MAP3K7CL: variants seen among roughly 807,000 people sequenced by gnomAD.
MAP3K7CL encodes the protein MAP3K7 C-terminal-like protein.
A neutral mutation model predicts 18.6 loss-of-function variants in MAP3K7CL; 16 were observed. That is an observed-to-expected ratio of 0.86 (90% CI 0.58 to 1.31). MAP3K7CL has a LOEUF of 1.31. Ranked by LOEUF, MAP3K7CL falls within the 50% of genes most tolerant of loss-of-function variation. The pLI, the probability that MAP3K7CL is intolerant of heterozygous loss-of-function variation, is 0.00. For missense variants in MAP3K7CL, 163 were observed against 174.4 expected (o/e 0.93, Z 0.37); for synonymous variants, 65 against 66.8 (o/e 0.97, Z 0.13).
intron 4 of MAP3K7CL, among the ~76,000 whole-genome samples, chr21:29,165,231 T>C (rs550508322): frequency 2.4e-4 from 36 of 152,330 alleles, no homozygotes; most frequent in South Asian, 1.9e-3. Context: ...TGAAATATTG[T>C]ATTGGGTACT....
chr21:29,110,929 T>C (rs2086407991), intron 4 of MAP3K7CL, among the ~76,000 whole-genome samples: 1 of 152,188 alleles, frequency 6.6e-6, no homozygotes, highest in African/African-American at 2.4e-5. Flanking sequence ...TTGTCTCTCA[T>C]TGCTGTTTTT....
intron 3 of MAP3K7CL, among the ~76,000 whole-genome samples, chr21:29,154,694 C>T (rs1000380773): frequency 1.3e-5 from 2 of 152,204 alleles, no homozygotes; most frequent in African/African-American, 4.8e-5. Context: ...TTCCAGGATT[C>T]TGCTACACTG....
chr21:29,139,875 C>T (rs1216605325), intron 2 of MAP3K7CL, among the ~76,000 whole-genome samples: 5 of 149,938 alleles, frequency 3.3e-5, no homozygotes, highest in Non-Finnish European at 7.4e-5. Flanking sequence ...TGAGCCACGA[C>T]GCCCAGGCCC....
intron 4 of MAP3K7CL, among the ~76,000 whole-genome samples, chr21:29,101,934 T>C (rs993783137): frequency 6.6e-6 from 1 of 152,228 alleles, no homozygotes; most frequent in Non-Finnish European, 1.5e-5. Flanking sequence ...TTTTTTCACC[T>C]GAATCCCAAA....
upstream of MAP3K7CL, among the ~76,000 whole-genome samples, chr21:29,084,577 G>C (rs192198546): frequency 2.3e-3 from 343 of 152,296 alleles, 1 homozygote; most frequent in African/African-American, 7.8e-3. Context: ...AGCCTCAGGG[G>C]AATAAAATCA....
chr21:29,099,899 C>T (rs1412978711), intron 4 of MAP3K7CL, among the ~76,000 whole-genome samples: 1 of 151,924 alleles, frequency 6.6e-6, no homozygotes, highest in Non-Finnish European at 1.5e-5. Flanking sequence ...CTGGCTAACA[C>T]GGTGAAACCC....
chr21:29,117,625 G>A (rs2086524153), intron 4 of MAP3K7CL, among the ~76,000 whole-genome samples: 1 of 152,254 alleles, frequency 6.6e-6, no homozygotes, highest in Non-Finnish European at 1.5e-5. Flanking sequence ...TCTAAACAAG[G>A]ATTGTGCATT....
rs193286557 is a variant in MAP3K7CL, at chr21:29,139,827, G to A, written c.70+6413G>A. 1.1e-4 allele frequency among the ~76,000 whole-genome samples: 17 copies of A among 148,930 alleles called. No individual in the cohort carries two copies. The East Asian group carries it at 2.4e-3, about 21-fold the overall frequency. On this transcript the variant is annotated intron_variant, in intron 2 of 4. Coordinates refer to ENST00000399928, the MANE Select transcript of MAP3K7CL (RefSeq NM_001286620.2). ...CTCAAACTCCTGATCTCAGGTGACC[G>A]CCCGCCTTGGCCTCCCAAAGTGCTG...
intron 4 of MAP3K7CL, among the ~76,000 whole-genome samples, chr21:29,168,756 G>T (rs762419754): frequency 6.6e-6 from 1 of 152,182 alleles, no homozygotes; most frequent in Admixed American, 6.5e-5. Flanking sequence ...TCATTGCCAA[G>T]ATCTGATTTT....
rs2086812578 is a variant in MAP3K7CL, at chr21:29,133,226, C to T, written c.-39-80C>T. ...ATGCTTACTAACCTTAATAACTTCACCTGTAATTTCCAAGGGCCTCTGAGT... is the reference window on the plus strand; with the variant it reads ...ATGCTTACTAACCTTAATAACTTCATCTGTAATTTCCAAGGGCCTCTGAGT... On this transcript the variant is annotated intron_variant, in intron 1 of 4. Coordinates refer to ENST00000399928, the MANE Select transcript of MAP3K7CL (RefSeq NM_001286620.2). 8.1e-6 allele frequency: 8 copies of T among 991,364 alleles called. No individual in the cohort carries two copies. The East Asian group carries it at 2.2e-4, about 27-fold the overall frequency. The allele number at this position is 991,364 out of a possible 1,614,324, so 61.4% of individuals were successfully genotyped here. A position where few individuals can be genotyped will look rare whatever the true frequency, so the allele number is the denominator to read the frequency against.
intron 4 of MAP3K7CL, among the ~76,000 whole-genome samples, chr21:29,103,184 T>C (rs957252714): frequency 6.6e-6 from 1 of 152,224 alleles, no homozygotes; most frequent in Non-Finnish European, 1.5e-5. Context: ...GTCTGTTGGT[T>C]TATATAGTGT....
chr21:29,108,983 C>A, intron 4 of MAP3K7CL: 1 of 1,403,236 alleles, frequency 7.1e-7, no homozygotes, highest in Non-Finnish European at 9.5e-7. Flanking sequence ...AATCTGAATT[C>A]AATGTCGGCT....
chr21:29,089,125 G>A (rs1477905779), intron 1 of MAP3K7CL, among the ~76,000 whole-genome samples: 6 of 127,458 alleles, frequency 4.7e-5, no homozygotes, highest in African/African-American at 1.2e-4. Context: ...AGCCGAGATC[G>A]CACCACTATA....
upstream of MAP3K7CL, among the ~76,000 whole-genome samples, chr21:29,130,005 G>C (rs1442578919): frequency 1.3e-5 from 2 of 152,046 alleles, no homozygotes; most frequent in African/African-American, 4.8e-5. Context: ...TGGGTTGTTT[G>C]TTTTTCTGTT....
chr21:29,109,302 A>G (rs559763053), intron 4 of MAP3K7CL: 1 of 1,479,026 alleles, frequency 6.8e-7, no homozygotes, highest in Admixed American at 2.2e-5. Flanking sequence ...TGCCCATTTA[A>G]TTAATGCCAT....
chr21:29,099,924 A>C (rs2086192995), intron 4 of MAP3K7CL, among the ~76,000 whole-genome samples: 1 of 152,090 alleles, frequency 6.6e-6, no homozygotes, highest in South Asian at 2.1e-4. Context: ...TCTACTAAAA[A>C]TACAAAAAAT....
In MAP3K7CL at chr21:29,175,755, T is replaced by C. The variant is rs1482709910; in HGVS notation, c.*863T>C. 3 of 152,244 alleles carry C rather than the reference T, an allele frequency of 2.0e-5. No individual in the cohort carries two copies. Among genetic ancestry groups the C allele is most frequent in the African/African-American group, 4.8e-5 (2 of 41,468 alleles). 9.4% of individuals were successfully genotyped at this position (152,244 alleles called of 1,614,324 possible). On this transcript the variant is annotated 3_prime_UTR_variant, in exon 5 of 5. Transcript: ENST00000399928. ...AGATCAGTAACAGCTAATAGGAATA[T>C]GCGAGTAAATTCAGAATTGAAACAA... is the stretch of plus-strand genomic sequence containing the variant.
chr21:29,171,918 G>T (rs1251777848), intron 4 of MAP3K7CL, among the ~76,000 whole-genome samples: 1 of 151,414 alleles, frequency 6.6e-6, no homozygotes, highest in Non-Finnish European at 1.5e-5. Flanking sequence ...CAGTACTGGG[G>T]TTTTCTTTCT....
chr21:29,109,260 A>G, intron 4 of MAP3K7CL: 1 of 1,533,938 alleles, frequency 6.5e-7, no homozygotes. Context: ...ATATACAACC[A>G]GATAGTGCAT....
Sources: gnomAD v4.1 joint callset for allele counts (sites outside exome capture counted in the v4.1 genomes callset) on GRCh38, gnomAD v4.1.1 for gene constraint, MANE v1.5 for transcripts, NCBI Gene and HGNC (gene_info 2026-07-23, HGNC 2026-07-21) for gene names.